Variants in ADAMTS16 observed in about 807,000 individuals in gnomAD.
ADAMTS16 encodes the protein ADAM metallopeptidase with thrombospondin type 1 motif 16.
A neutral mutation model predicts 145.8 loss-of-function variants in ADAMTS16; 94 were observed. The observed-to-expected ratio is 0.64, with a 90% CI of 0.55 to 0.77. The LOEUF (loss-of-function observed/expected upper bound fraction) is 0.77, where lower values mean the gene tolerates loss of function less well. ADAMTS16 is among the 30% of genes least tolerant of loss of function. ADAMTS16 has a pLI of 0.00. For missense variants in ADAMTS16, 1,585 were observed against 1,591.5 expected, an observed-to-expected ratio of 1.00 and a Z score of 0.07; for synonymous variants, 659 against 604.3, an observed-to-expected ratio of 1.09 and a Z score of -1.33.
intron 3 of ADAMTS16, among the ~76,000 whole-genome samples, chr5:5,168,984 G>A (rs757410708): frequency 1.7e-4 from 26 of 151,656 alleles, no homozygotes; most frequent in Non-Finnish European, 2.4e-4. Context: ...TCATGAGGTA[G>A]TGTTACGTAT....
intron 18 of ADAMTS16, among the ~76,000 whole-genome samples, chr5:5,299,506 T>C (rs955830927): frequency 5.6e-5 from 5 of 89,210 alleles, no homozygotes; most frequent in Admixed American, 9.6e-5. Context: ...AACCAAAATG[T>C]CATTTTAATT....
At position 5,317,617 on chromosome 5, in the gene ADAMTS16, C is replaced by T. The variant is rs992473083; in HGVS notation, c.3412-517C>T. 1.3e-5 allele frequency among the ~76,000 whole-genome samples: 2 copies of T among 152,052 alleles called. No individual in the cohort carries two copies. Among genetic ancestry groups the T allele is most frequent in the South Asian group, 2.1e-4 (1 of 4,822 alleles). On this transcript the variant is annotated intron_variant, in intron 21 of 22. Coordinates refer to ENST00000274181, the MANE Select transcript of ADAMTS16 (RefSeq NM_139056.4). The surrounding 1 kb of genome is among the most constrained non-coding windows in gnomAD (Gnocchi z 4.5). Reference sequence around the variant, plus strand: ...TTCATCATGTTGCCCAGGCTGATCTCGAACTCCTGACCTCAGGTGATCCAC... The same window carrying T: ...TTCATCATGTTGCCCAGGCTGATCTTGAACTCCTGACCTCAGGTGATCCAC...
chr5:5,249,673 AGAGG>A (rs1206691724), intron 17 of ADAMTS16, among the ~76,000 whole-genome samples: 1 of 152,174 alleles, frequency 6.6e-6, no homozygotes, highest in Non-Finnish European at 1.5e-5. Context: ...CTGGAGCCCC[AGAGG>A]GCCTGTGTTA....
intron 3 of ADAMTS16, among the ~76,000 whole-genome samples, chr5:5,170,909 T>G (rs1191623598): frequency 6.6e-6 from 1 of 152,200 alleles, no homozygotes; most frequent in Non-Finnish European, 1.5e-5. Flanking sequence ...CCTGTACTTA[T>G]GAGGTATATT....
At chr5:5,274,950 T>G (rs1738633312) in intron 18 of ADAMTS16, among the ~76,000 whole-genome samples, 1 of 152,156 alleles carries the variant, frequency 6.6e-6, no homozygotes, top group Admixed American at 6.5e-5. Context: ...CCCCTAATAA[T>G]TAAAACCGTG....
chr5:5,227,620 A>T (rs967623726), intron 11 of ADAMTS16, among the ~76,000 whole-genome samples: 1 of 151,988 alleles, frequency 6.6e-6, no homozygotes, highest in East Asian at 1.9e-4. Flanking sequence ...GATTCTCAAA[A>T]TTTTTTTGTT....
At position 5,319,007 on chromosome 5, in the gene ADAMTS16, C is replaced by T. The variant is rs936183391; in HGVS notation, c.3560-16C>T. Reference sequence around the variant, plus strand: ...CACTCGGGATCGCTGAGTAATGCAGCTCTGCTCATTTTCAGATGCCTTCTG... The same window carrying T: ...CACTCGGGATCGCTGAGTAATGCAGTTCTGCTCATTTTCAGATGCCTTCTG... On this transcript the variant is annotated splice_polypyrimidine_tract_variant and intron_variant, in intron 22 of 22. Transcript: ENST00000274181. 1.9e-6 allele frequency: 3 copies of T among 1,583,900 alleles called. No homozygotes were observed. Among genetic ancestry groups the T allele is most frequent in the Admixed American group, 3.4e-5 (2 of 58,950 alleles).
intron 8 of ADAMTS16, 121 bp from the exon 9 acceptor site, chr5:5,200,011 C>T: frequency 1.7e-6 from 2 of 1,198,992 alleles, no homozygotes; most frequent in Non-Finnish European, 2.3e-6. Context: ...TTATTTTTGC[C>T]TGCCTAGCAT....
At chr5:5,307,444 G>T (rs762160764) in intron 21 of ADAMTS16, among the ~76,000 whole-genome samples, 1 of 152,200 alleles carries the variant, frequency 6.6e-6, no homozygotes, top group East Asian at 1.9e-4. Context: ...TGCTGCAGAG[G>T]CCCTGGCTCT....
intron 17 of ADAMTS16, among the ~76,000 whole-genome samples, chr5:5,247,718 G>A (rs1434870453): frequency 6.6e-6 from 1 of 152,192 alleles, no homozygotes; most frequent in Non-Finnish European, 1.5e-5. Context: ...CTAAAAATGG[G>A]CGATTACTGC....
At chr5:5,141,884 A>C (rs897223925) in intron 2 of ADAMTS16, among the ~76,000 whole-genome samples, 1 of 118,588 alleles carries the variant, frequency 8.4e-6, no homozygotes, top group African/African-American at 3.5e-5. Context: ...CAAATGATAT[A>C]AAATGTTAAA....
chr5:5,227,620 AT>A (rs1736808812), intron 11 of ADAMTS16, among the ~76,000 whole-genome samples: 1 of 151,870 alleles, frequency 6.6e-6, no homozygotes, highest in Non-Finnish European at 1.5e-5. Context: ...GATTCTCAAA[AT>A]TTTTTTGTTT....
intron 21 of ADAMTS16, among the ~76,000 whole-genome samples, chr5:5,308,917 T>C (rs2126526644): frequency 7.2e-6 from 1 of 138,776 alleles, no homozygotes; most frequent in African/African-American, 2.8e-5. Context: ...ACCACTACAC[T>C]CCAGTCTGGG....
rs769783545 is a variant in ADAMTS16, at chr5:5,317,167, C to T, written c.3412-967C>T. 2.0e-5 allele frequency among the ~76,000 whole-genome samples: 3 copies of T among 152,122 alleles called. No homozygotes were observed. The highest frequency in any genetic ancestry group is 4.4e-5 in the Non-Finnish European group (3 of 68,034). ...AGAGTTAGGGAAGTAAGTACCTTTGCGCCAGGTCCCAGGTGGTAACATCAG... is the reference window on the plus strand; with the variant it reads ...AGAGTTAGGGAAGTAAGTACCTTTGTGCCAGGTCCCAGGTGGTAACATCAG... On this transcript the variant is annotated intron_variant, in intron 21 of 22. Transcript: ENST00000274181. The surrounding 1 kb of genome is among the most constrained non-coding windows in gnomAD (Gnocchi z 4.5).
In ADAMTS16 at chr5:5,200,277, C is replaced by T. The variant is rs779792264; in HGVS notation, c.1451+8C>T. On this transcript the variant is annotated splice_region_variant and intron_variant, in intron 9 of 22. Transcript: ENST00000274181. ...TCTACACAAATTTCTAAGGTAGGAACTCTTTAAGCTGGTCTTGTGATCTTT... is the reference window on the plus strand; with the variant it reads ...TCTACACAAATTTCTAAGGTAGGAATTCTTTAAGCTGGTCTTGTGATCTTT... The T allele has an allele frequency of 1.2e-6, 2 of 1,613,640 alleles. No homozygotes were observed. Among genetic ancestry groups the T allele is most frequent in the African/African-American group, 2.7e-5 (2 of 74,932 alleles).
intron 21 of ADAMTS16, among the ~76,000 whole-genome samples, chr5:5,313,644 C>A (rs1489947981): frequency 6.6e-6 from 1 of 152,344 alleles, no homozygotes; most frequent in East Asian, 1.9e-4. Flanking sequence ...ACAGCGCACA[C>A]ACTGATTTGG....
At chr5:5,153,752 A>G (rs1734530642) in intron 3 of ADAMTS16, among the ~76,000 whole-genome samples, 1 of 152,230 alleles carries the variant, frequency 6.6e-6, no homozygotes, top group South Asian at 2.1e-4. Context: ...AAATATATAT[A>G]ATCTGTCGAC....
At chr5:5,242,846 A>G (rs1737334325) in intron 17 of ADAMTS16, among the ~76,000 whole-genome samples, 1 of 152,236 alleles carries the variant, frequency 6.6e-6, no homozygotes, top group African/African-American at 2.4e-5. Context: ...ACTGTCTGAT[A>G]TAAACAGTGA....
chr5:5,159,299 T>C (rs1734683339), intron 3 of ADAMTS16, among the ~76,000 whole-genome samples: 1 of 152,218 alleles, frequency 6.6e-6, no homozygotes, highest in East Asian at 1.9e-4. Flanking sequence ...ACATGGCTTT[T>C]TGAGTCAGAC....
Sources: gnomAD v4.1 joint callset for allele counts (sites outside exome capture counted in the v4.1 genomes callset) on GRCh38, gnomAD v4.1.1 for gene constraint, Gnocchi (gnomAD v3.1) non-coding constraint, MANE v1.5 for transcripts, NCBI Gene and HGNC (gene_info 2026-07-23, HGNC 2026-07-21) for gene names.